STPG2: variants seen among roughly 807,000 people sequenced by gnomAD.
STPG2 encodes sperm tail PG-rich repeat containing 2.
Under a neutral mutation model 54.2 loss-of-function variants are expected in STPG2, and 56 were observed. The observed-to-expected ratio is 1.03, with a 90% confidence interval of 0.83 to 1.29. The LOEUF (loss-of-function observed/expected upper bound fraction) is 1.29. Among genes scored for constraint, STPG2 ranks in the 50% most tolerant of loss-of-function variants. The pLI, the probability that STPG2 is intolerant of heterozygous loss-of-function variation, is 0.00. For synonymous variants in STPG2, 200 were observed against 181.8 expected, an observed-to-expected ratio of 1.10 and a Z score of -0.81; for missense variants, 596 against 544.9, an observed-to-expected ratio of 1.09 and a Z score of -0.93.
intron 7 of STPG2, among the ~76,000 whole-genome samples, chr4:97,968,053 A>C (rs1734180585): frequency 6.6e-6 from 1 of 152,206 alleles, no homozygotes; most frequent in African/African-American, 2.4e-5. Flanking sequence ...AACCTTCAAA[A>C]AATCAATGAA....
At chr4:97,745,692 T>A (rs1725402503) in intron 9 of STPG2, among the ~76,000 whole-genome samples, 1 of 151,176 alleles carries the variant, frequency 6.6e-6, no homozygotes, top group South Asian at 2.1e-4. Context: ...AAAACAGTGC[T>A]ATGCTGATTT....
chr4:97,785,773 C>T (rs1171821057), intron 9 of STPG2, among the ~76,000 whole-genome samples: 1 of 151,820 alleles, frequency 6.6e-6, no homozygotes, highest in Non-Finnish European at 1.5e-5. Flanking sequence ...TGATTAGCTG[C>T]TTAGAGTTGG....
chr4:97,538,347 T>A (rs920349448), intron 4 of STPG2, among the ~76,000 whole-genome samples: 3 of 152,134 alleles, frequency 2.0e-5, no homozygotes, highest in African/African-American at 7.2e-5. Flanking sequence ...ACTCCTTAAA[T>A]AACCTAATGG....
intron 4 of STPG2, 102 bp downstream of exon 4, chr4:98,109,091 A>G: frequency 1.7e-6 from 1 of 599,746 alleles, no homozygotes; most frequent in Non-Finnish European, 2.7e-6. Context: ...GGAGTTTTTC[A>G]TACTAATTTT....
intron 8 of STPG2, among the ~76,000 whole-genome samples, chr4:97,864,294 G>T (rs868526385): frequency 1.7e-4 from 18 of 102,986 alleles, no homozygotes; most frequent in African/African-American, 8.7e-4. Flanking sequence ...AGCATTCTTA[G>T]ACACCAATAA....
At chr4:98,015,807 C>A (rs905954838) in intron 5 of STPG2, among the ~76,000 whole-genome samples, 36 of 152,076 alleles carry the variant, frequency 2.4e-4, no homozygotes, top group Admixed American at 2.2e-3. Context: ...GGAACCAACC[C>A]AAATGTCCAT....
At chr4:97,908,803 G>A (rs1365331099) in intron 8 of STPG2, among the ~76,000 whole-genome samples, 3 of 148,962 alleles carry the variant, frequency 2.0e-5, no homozygotes, top group African/African-American at 7.4e-5. Flanking sequence ...CTCATAGGTG[G>A]GAATTGAACA....
At chr4:97,456,891 C>CAAAAAAAAAAAAAAAAAAAAAAAAAAAA (rs57563048) in intron 4 of STPG2, among the ~76,000 whole-genome samples, 1 of 48,922 alleles carries the variant, frequency 2.0e-5, no homozygotes, top group African/African-American at 1.1e-4. Flanking sequence ...TGCTCCGTCT[C>CAAAAAAAAAAAAAAAAAAAAAAAAAAAA]AAAAAAAAAA....
At chr4:98,132,772 T>C (rs1452609120) in intron 2 of STPG2, among the ~76,000 whole-genome samples, 2 of 152,002 alleles carry the variant, frequency 1.3e-5, no homozygotes, top group African/African-American at 2.4e-5. Context: ...TAAGAGAAGA[T>C]AGCAATTATA....
chr4:97,635,694 G>C (rs1174064133), intron 10 of STPG2, among the ~76,000 whole-genome samples: 1 of 150,210 alleles, frequency 6.7e-6, no homozygotes, highest in Non-Finnish European at 1.5e-5. Context: ...TGCAATCATA[G>C]TCTCTGATAA....
chr4:97,584,123 T>G (rs1186053635), intron 10 of STPG2, among the ~76,000 whole-genome samples: 7 of 151,948 alleles, frequency 4.6e-5, no homozygotes, highest in Non-Finnish European at 8.8e-5. Context: ...ATACACCACA[T>G]GATAGACCAC....
chr4:97,819,973 TG>T (rs1258978116), intron 9 of STPG2, among the ~76,000 whole-genome samples: 1 of 152,110 alleles, frequency 6.6e-6, no homozygotes, highest in Admixed American at 6.6e-5. Context: ...TTTTGTTTTT[TG>T]TTTTTTTTTA....
intron 8 of STPG2, among the ~76,000 whole-genome samples, chr4:97,883,892 G>C (rs1730468655): frequency 6.6e-6 from 1 of 152,056 alleles, no homozygotes. Context: ...AATGATCAAA[G>C]AACCTCAGAG....
intron 10 of STPG2, among the ~76,000 whole-genome samples, chr4:97,686,094 A>C (rs1279804932): frequency 1.3e-5 from 2 of 152,230 alleles, no homozygotes; most frequent in Non-Finnish European, 2.9e-5. Context: ...CAGTCTTCAA[A>C]TGCACTCCTT....
chr4:97,507,482 A>C (rs766846203), intron 4 of STPG2, among the ~76,000 whole-genome samples: 124 of 152,046 alleles, frequency 8.2e-4, no homozygotes, highest in Non-Finnish European at 1.2e-3. Flanking sequence ...TTTACAATCC[A>C]ATTTCAACTG....
At chr4:97,712,859 A>G in intron 9 of STPG2, 45 bp from the exon 10 acceptor site, 1 of 1,387,802 alleles carries the variant, frequency 7.2e-7, no homozygotes, top group Non-Finnish European at 9.9e-7. Flanking sequence ...TATATTTTAA[A>G]ATTATTGATT....
intron 4 of STPG2, among the ~76,000 whole-genome samples, chr4:97,454,484 C>T (rs1191581909): frequency 7.6e-6 from 1 of 131,472 alleles, no homozygotes; most frequent in Non-Finnish European, 1.6e-5. Flanking sequence ...CTGCAGTCCG[C>T]AGTCCGGCCT....
At chr4:97,777,536 T>C (rs1726418592) in intron 9 of STPG2, among the ~76,000 whole-genome samples, 1 of 152,196 alleles carries the variant, frequency 6.6e-6, no homozygotes, top group African/African-American at 2.4e-5. Context: ...GCCATGTTGC[T>C]ATACCTGGTT....
chr4:98,053,424 T>C (rs1200028264), intron 5 of STPG2, among the ~76,000 whole-genome samples: 1 of 152,140 alleles, frequency 6.6e-6, no homozygotes, highest in Admixed American at 6.5e-5. Flanking sequence ...TATCCTTTAA[T>C]ATTCTGGATT....
Sources: allele counts gnomAD v4.1 joint callset (sites outside exome capture counted in the v4.1 genomes callset), GRCh38; gene constraint gnomAD v4.1.1; transcripts MANE v1.5; gene names NCBI Gene and HGNC (gene_info 2026-07-23, HGNC 2026-07-21).